KSR1: variants seen among roughly 807,000 people sequenced by gnomAD.
KSR1 encodes the protein kinase suppressor of ras 1.
A neutral mutation model predicts 92.9 loss-of-function variants in KSR1; 35 were observed. That is an observed-to-expected ratio of 0.38 (90% CI 0.29 to 0.50). The LOEUF (loss-of-function observed/expected upper bound fraction) is 0.50. Ranked by LOEUF, KSR1 falls within the 20% of genes least tolerant of loss-of-function variation. The pLI is 0.94. For synonymous variants in KSR1, 467 were observed against 472.6 expected (o/e 0.99, Z 0.15); for missense variants, 972 against 1,158.5 (o/e 0.84, Z 2.34).
At chr17:27,564,354 C>G (rs1463343719) in intron 2 of KSR1, among the ~76,000 whole-genome samples, 1 of 152,180 alleles carries the variant, frequency 6.6e-6, no homozygotes, top group Non-Finnish European at 1.5e-5. Flanking sequence ...TGACATGGCA[C>G]CAGGGCTCAT....
At position 27,584,966 on chromosome 17, in the gene KSR1, T is replaced by C. The variant is rs184684842; in HGVS notation, c.981-691T>C. 3.6e-3 allele frequency among the ~76,000 whole-genome samples: 543 copies of C among 152,332 alleles called. 4 individuals are homozygous for C. Among genetic ancestry groups the C allele is most frequent in the Admixed American group, 0.028 (424 of 15,304 alleles). ...TTTTTTCTTTTTCTGAGAAGGAGTC[T>C]TGCTCTGCTGCCCAGGCTGGAGTGC... On this transcript the variant is annotated intron_variant, in intron 4 of 20. Coordinates refer to ENST00000644974, the MANE Select transcript of KSR1 (RefSeq NM_001394583.1).
At chr17:27,585,573 G>C (rs944827901) in intron 4 of KSR1, 84 bp from the exon 5 acceptor site, 25 of 721,980 alleles carry the variant, frequency 3.5e-5, no homozygotes, top group Non-Finnish European at 5.4e-5. Flanking sequence ...CCCCTTGCCT[G>C]CTCCCGCCCA....
chr17:27,464,249 G>T (rs1335162134), intron 1 of KSR1, among the ~76,000 whole-genome samples: 1 of 152,146 alleles, frequency 6.6e-6, no homozygotes, highest in Non-Finnish European at 1.5e-5. Context: ...TTCTTGGAGC[G>T]CCATCTGGGG....
chr17:27,607,568 C>T (rs2073794535), intron 14 of KSR1, among the ~76,000 whole-genome samples: 1 of 152,146 alleles, frequency 6.6e-6, no homozygotes, highest in Non-Finnish European at 1.5e-5. Flanking sequence ...TTAAATTAGC[C>T]AAGTTCTTCC....
Position 27,625,263 on chromosome 17 carries a change from G to A in KSR1, c.*1871G>A, listed in dbSNP as rs1807183. 0.21 allele frequency: 31,410 copies of A among 152,286 alleles called. 3,408 individuals are homozygous for A. The highest frequency in any genetic ancestry group is 0.28 in the Admixed American group (4,264 of 15,286). The allele number at this position is 152,286 out of a possible 1,614,324, so 9.4% of individuals were successfully genotyped here. On this transcript the variant is annotated 3_prime_UTR_variant, in exon 21 of 21. Coordinates refer to ENST00000644974, the MANE Select transcript of KSR1 (RefSeq NM_001394583.1). The stretch of plus-strand genomic sequence containing the variant: ...GGATGTCAGCTCAGCCGTCCAACTG[G>A]GAGGAACAGTAGGCTCAGTTCCTCC...
chr17:27,556,778 C>T (rs1346918062), intron 2 of KSR1, among the ~76,000 whole-genome samples: 2 of 152,266 alleles, frequency 1.3e-5, no homozygotes, highest in African/African-American at 4.8e-5. Context: ...TTCCAGCCTG[C>T]CCTAGTCCTG....
intron 1 of KSR1, among the ~76,000 whole-genome samples, chr17:27,515,611 G>GTT (rs770675553): frequency 4.6e-4 from 50 of 109,044 alleles, no homozygotes; most frequent in Middle Eastern, 5.3e-3. Context: ...CTGCTTCGTA[G>GTT]TTTTTTTTTT....
rs759406783 is a variant in KSR1 at position 27,605,564 on chromosome 17, A to G, written c.1745A>G (p.Gln582Arg). 8 of 1,595,900 alleles carry G rather than the reference A, an allele frequency of 5.0e-6. No individual in the cohort carries two copies. Among genetic ancestry groups the G allele is most frequent in the African/African-American group, 1.3e-5 (1 of 74,606 alleles). ...RKASQTSVYL[Q>R]EWDIPFEQVE... ...GCCAGCCAGACCAGCGTGTACCTGC[A>G]GGAGTGGGACATCCCCTTCGAGCAG... The change falls in exon 14 of 21, where the codon CAG (glutamine) becomes CGG (arginine). Residue 582 changes from glutamine to arginine, a missense_variant. Physicochemically the swap from Gln to Arg is conservative, Grantham distance 43. Transcript: ENST00000644974.
chr17:27,540,136 A>G (rs1018782920), intron 1 of KSR1, among the ~76,000 whole-genome samples: 14 of 152,206 alleles, frequency 9.2e-5, no homozygotes, highest in Non-Finnish European at 1.9e-4. Context: ...AGCAGTGGGA[A>G]CAGGTGATTT....
At chr17:27,489,942 C>T (rs1201781629) in intron 1 of KSR1, among the ~76,000 whole-genome samples, 10 of 152,238 alleles carry the variant, frequency 6.6e-5, no homozygotes, top group Admixed American at 5.9e-4. Context: ...GACCCAGAAG[C>T]TTGTTGCATA....
chr17:27,551,591 A>G (rs2071398969), intron 2 of KSR1, among the ~76,000 whole-genome samples: 1 of 152,120 alleles, frequency 6.6e-6, no homozygotes. Context: ...CCAATATGGA[A>G]ATCTTTTAAA....
intron 1 of KSR1, among the ~76,000 whole-genome samples, chr17:27,476,094 C>T (rs2068334009): frequency 6.6e-6 from 1 of 152,194 alleles, no homozygotes; most frequent in Admixed American, 6.5e-5. Context: ...CACCTCCTAG[C>T]TATCAGGCTC....
At position 27,605,598 on chromosome 17, in the gene KSR1, G is replaced by A. The variant is rs1453009827; in HGVS notation, c.1779G>A (p.Leu593=). 2 of 1,602,174 alleles carry A rather than the reference G, an allele frequency of 1.2e-6. No homozygotes were observed. Among genetic ancestry groups the A allele is most frequent in the Non-Finnish European group, 1.7e-6 (2 of 1,175,120 alleles). ...ACATCCCCTTCGAGCAGGTAGAGCTGGGCGAGCCCATCGGGCAGGGCCGCT... is the reference window on the plus strand; with the variant it reads ...ACATCCCCTTCGAGCAGGTAGAGCTAGGCGAGCCCATCGGGCAGGGCCGCT... The part of the protein sequence containing the change: ...EWDIPFEQVE[L]GEPIGQGRWG... The change falls in exon 14 of 21, where the codon CTG becomes CTA. Residue 593 remains leucine, a synonymous_variant. Transcript: ENST00000644974.
At chr17:27,609,401 C>CT in intron 16 of KSR1, 72 bp downstream of exon 16, 1 of 1,579,116 alleles carries the variant, frequency 6.3e-7, no homozygotes, top group Non-Finnish European at 8.7e-7. Context: ...GGTCTGGGCA[C>CT]TTTCACTGTT....
intron 1 of KSR1, among the ~76,000 whole-genome samples, chr17:27,532,671 T>C (rs2070588004): frequency 6.6e-6 from 1 of 152,154 alleles, no homozygotes; most frequent in Non-Finnish European, 1.5e-5. Flanking sequence ...AGGAGAGGAC[T>C]GTGCTAGGAA....
chr17:27,554,742 C>A (rs543715259), intron 2 of KSR1, among the ~76,000 whole-genome samples: 124 of 152,218 alleles, frequency 8.1e-4, no homozygotes, highest in Non-Finnish European at 1.5e-3. Context: ...CCTCTGGAAA[C>A]CATCCCCCGC....
intron 1 of KSR1, among the ~76,000 whole-genome samples, chr17:27,513,567 T>C (rs953878559): frequency 6.6e-6 from 1 of 152,202 alleles, no homozygotes; most frequent in Non-Finnish European, 1.5e-5. Flanking sequence ...ATTAACCTTG[T>C]AAGCCGATGG....
chr17:27,499,203 G>A (rs1018455991), intron 1 of KSR1, among the ~76,000 whole-genome samples: 3 of 152,154 alleles, frequency 2.0e-5, no homozygotes, highest in Non-Finnish European at 2.9e-5. Flanking sequence ...GGGAAGCAGC[G>A]CCTCTCTGTT....
At chr17:27,576,593 G>C (rs1442658677) in intron 2 of KSR1, among the ~76,000 whole-genome samples, 1 of 152,198 alleles carries the variant, frequency 6.6e-6, no homozygotes, top group African/African-American at 2.4e-5. Context: ...TAGCTACTAA[G>C]TGACAAACAG....
Sources: gnomAD v4.1 joint callset for allele counts (sites outside exome capture counted in the v4.1 genomes callset) on GRCh38, gnomAD v4.1.1 for gene constraint, MANE v1.5 for transcripts, NCBI Gene and HGNC (gene_info 2026-07-23, HGNC 2026-07-21) for gene names.